Variants in GPR158 observed in about 807,000 individuals in gnomAD.
The protein encoded by GPR158 is metabotropic glycine receptor.
In GPR158, 30 loss-of-function variants were observed where a neutral mutation model predicts 78.2. That is an observed-to-expected ratio of 0.38 (90% CI 0.29 to 0.52). GPR158 has a LOEUF of 0.52. GPR158 is among the 20% of genes least tolerant of loss of function. GPR158 has a pLI of 0.83. For missense variants in GPR158, 1,463 were observed against 1,523.5 expected, an observed-to-expected ratio of 0.96 and a Z score of 0.66; for synonymous variants, 581 against 591.1, an observed-to-expected ratio of 0.98 and a Z score of 0.25.
intron 5 of GPR158, among the ~76,000 whole-genome samples, chr10:25,508,702 A>G (rs998747591): frequency 2.6e-5 from 4 of 152,136 alleles, no homozygotes; most frequent in African/African-American, 9.7e-5. Context: ...ACCAGGGTCA[A>G]TTGGGAAACT....
intron 5 of GPR158, among the ~76,000 whole-genome samples, chr10:25,508,526 G>C (rs1564474497): frequency 2.0e-5 from 3 of 152,188 alleles, no homozygotes; most frequent in Non-Finnish European, 4.4e-5. Flanking sequence ...AGGGTATAAA[G>C]GCATTTTGTG....
chr10:25,403,667 C>G (rs1319452096), intron 3 of GPR158, among the ~76,000 whole-genome samples: 1 of 151,914 alleles, frequency 6.6e-6, no homozygotes, highest in African/African-American at 2.4e-5. Flanking sequence ...ACAGATTTGC[C>G]CATAGGTGCC....
intron 5 of GPR158, among the ~76,000 whole-genome samples, chr10:25,522,222 G>C (rs913768275): frequency 1.3e-5 from 2 of 152,124 alleles, no homozygotes; most frequent in Non-Finnish European, 2.9e-5. Flanking sequence ...TCATTTCTTG[G>C]CAGTTTTAGA....
chr10:25,239,353 C>A (rs1853572931), intron 2 of GPR158, among the ~76,000 whole-genome samples: 2 of 151,954 alleles, frequency 1.3e-5, no homozygotes, highest in Non-Finnish European at 1.5e-5. Context: ...GTAATCCCAG[C>A]ACTTTGAGAA....
chr10:25,324,419 G>C (rs1854998491), intron 2 of GPR158, among the ~76,000 whole-genome samples: 1 of 152,196 alleles, frequency 6.6e-6, no homozygotes, highest in Admixed American at 6.5e-5. Flanking sequence ...TGGGAGAACA[G>C]CTGGTTTGTG....
chr10:25,318,575 G>A (rs1301610962), intron 2 of GPR158, among the ~76,000 whole-genome samples: 2 of 152,006 alleles, frequency 1.3e-5, no homozygotes, highest in African/African-American at 4.8e-5. Context: ...ACTGGAAAAT[G>A]TCACTTATTT....
intron 5 of GPR158, among the ~76,000 whole-genome samples, chr10:25,489,194 T>A (rs73608300): frequency 6.6e-6 from 1 of 152,258 alleles, no homozygotes; most frequent in African/African-American, 2.4e-5. Flanking sequence ...TACTGAAATT[T>A]CTGCCTATCT....
intron 4 of GPR158, among the ~76,000 whole-genome samples, chr10:25,430,832 C>G (rs1203547038): frequency 6.6e-6 from 1 of 151,378 alleles, no homozygotes; most frequent in Admixed American, 6.6e-5. Context: ...AAACTGGATC[C>G]CTTCCTTACA....
At chr10:25,332,795 G>A (rs373736412) in intron 2 of GPR158, among the ~76,000 whole-genome samples, 46 of 152,082 alleles carry the variant, frequency 3.0e-4, no homozygotes, top group South Asian at 2.1e-3. Flanking sequence ...AAAAAAATTC[G>A]ACACTAATCT....
rs200936444 is a variant in GPR158, at chr10:25,412,462, C to T, written c.1324C>T (p.Arg442Cys). The T allele has an allele frequency of 1.2e-6, 2 of 1,612,572 alleles. No homozygotes were observed. Among genetic ancestry groups the T allele is most frequent in the East Asian group, 2.2e-5 (1 of 44,876 alleles). Residue 442 changes from arginine (R) to cysteine (C), a missense_variant, in exon 4 of 11, where the codon CGC becomes TGC. Physicochemically the swap from Arg to Cys is radical, Grantham distance 180. Transcript: ENST00000376351. The part of the protein sequence containing the change: ...FVSMLVVYHF[R>C]KAKSIRASGL... ...TAGCATGCTGGTGGTCTACCACTTT[C>T]GCAAAGCAAAGGTAAACCCAGGAAC... is the stretch of plus-strand genomic sequence containing the variant.
intron 2 of GPR158, among the ~76,000 whole-genome samples, chr10:25,311,804 G>A (rs1308099636): frequency 1.3e-5 from 2 of 150,274 alleles, no homozygotes; most frequent in East Asian, 3.9e-4. Flanking sequence ...AAGGACAGTG[G>A]TAATCCATTT....
intron 2 of GPR158, among the ~76,000 whole-genome samples, chr10:25,222,203 C>A (rs974079844): frequency 6.6e-6 from 1 of 151,962 alleles, no homozygotes; most frequent in African/African-American, 2.4e-5. Flanking sequence ...ACCCACATAC[C>A]CCTGTACTCC....
chr10:25,341,630 T>C (rs1472362917), intron 2 of GPR158, among the ~76,000 whole-genome samples: 1 of 151,948 alleles, frequency 6.6e-6, no homozygotes, highest in Non-Finnish European at 1.5e-5. Flanking sequence ...GGCCACCTTA[T>C]TGCCAGCAGT....
chr10:25,278,587 T>C (rs1854219559), intron 2 of GPR158, among the ~76,000 whole-genome samples: 2 of 151,860 alleles, frequency 1.3e-5, no homozygotes, highest in South Asian at 4.1e-4. Flanking sequence ...TCACTAACAA[T>C]AAATAGAAAC....
chr10:25,316,265 A>G (rs1157855041), intron 2 of GPR158, among the ~76,000 whole-genome samples: 1 of 152,212 alleles, frequency 6.6e-6, no homozygotes, highest in African/African-American at 2.4e-5. Flanking sequence ...CTATATGTAG[A>G]TTAAAGCAGA....
At chr10:25,503,933 C>T (rs1390451728) in intron 5 of GPR158, among the ~76,000 whole-genome samples, 1 of 151,576 alleles carries the variant, frequency 6.6e-6, no homozygotes, top group Non-Finnish European at 1.5e-5. Context: ...CTCTGTCACC[C>T]CAGCTGGAGT....
chr10:25,551,049 C>T lies in GPR158; in HGVS notation c.1478C>T (p.Ala493Val). 6.2e-7 allele frequency: 1 copy of T among 1,606,258 alleles called. No homozygotes were observed. The highest frequency in any genetic ancestry group is 8.5e-7 in the Non-Finnish European group (1 of 1,172,946). ...AGATGGGCTCGTCTTCTCGGTTTTGCTACTGTTTACGGAACTGTCACTCTC... is the reference window on the plus strand; with the variant it reads ...AGATGGGCTCGTCTTCTCGGTTTTGTTACTGTTTACGGAACTGTCACTCTC... ...LLRWARLLGF[A>V]TVYGTVTLKL... Residue 493 changes from alanine (A) to valine (V), a missense_variant, in exon 6 of 11, where the codon GCT becomes GTT. Coordinates refer to ENST00000376351, the MANE Select transcript of GPR158 (RefSeq NM_020752.3).
At chr10:25,575,063 T>C (rs2130734425) in intron 7 of GPR158, among the ~76,000 whole-genome samples, 1 of 108,050 alleles carries the variant, frequency 9.3e-6, no homozygotes, top group Non-Finnish European at 1.9e-5. Flanking sequence ...CGAGACTCCA[T>C]CTCAAAAAAA....
intron 2 of GPR158, among the ~76,000 whole-genome samples, chr10:25,275,162 G>C (rs2130747095): frequency 6.6e-6 from 1 of 152,272 alleles, no homozygotes; most frequent in South Asian, 2.1e-4. Context: ...TGCAGGCACT[G>C]TTCCACAGTT....
Sources: gnomAD v4.1 joint callset for allele counts (sites outside exome capture counted in the v4.1 genomes callset) on GRCh38, gnomAD v4.1.1 for gene constraint, MANE v1.5 for transcripts, NCBI Gene and HGNC (gene_info 2026-07-23, HGNC 2026-07-21) for gene names.